The following PLXNA2 variants were observed in gnomAD, a reference collection of about 807,000 sequenced individuals.
The protein encoded by PLXNA2 is plexin A2.
A neutral mutation model predicts 193.5 loss-of-function variants in PLXNA2; 91 were observed. The ratio of observed to expected loss-of-function variants is 0.47; its 90% CI spans 0.40 to 0.56. PLXNA2 has a LOEUF of 0.56. Among genes scored for constraint, PLXNA2 ranks in the 20% least tolerant of loss-of-function variants. PLXNA2 has a pLI of 0.00. For synonymous variants in PLXNA2, 997 were observed against 1,027.3 expected, an observed-to-expected ratio of 0.97 and a Z score of 0.56; for missense variants, 1,995 against 2,503.2, an observed-to-expected ratio of 0.80 and a Z score of 4.33.
At chr1:208,144,438 G>A (rs560531163) in intron 3 of PLXNA2, among the ~76,000 whole-genome samples, 4 of 152,286 alleles carry the variant, frequency 2.6e-5, no homozygotes, top group East Asian at 1.9e-4. Flanking sequence ...GGATGGACTC[G>A]ATGTACATGG....
Position 208,071,866 on chromosome 1 carries a change from C to T in PLXNA2, c.2586+7394G>A, listed in dbSNP as rs187038469. On this transcript the variant is annotated intron_variant, in intron 12 of 31. Coordinates refer to ENST00000367033, the MANE Select transcript of PLXNA2 (RefSeq NM_025179.4). ...GTGGGGGACTTTGCAGTGAGTCACT[C>T]TGGTCCTGGGCAGGTGGCTTTTGGC... 1.9e-3 allele frequency among the ~76,000 whole-genome samples: 282 copies of T among 152,328 alleles called. 2 individuals are homozygous for T. The highest frequency in any genetic ancestry group is 9.8e-3 in the Admixed American group (150 of 15,310).
chr1:208,088,255 CTA>C (rs1666598048), intron 9 of PLXNA2, among the ~76,000 whole-genome samples: 1 of 152,200 alleles, frequency 6.6e-6, no homozygotes, highest in South Asian at 2.1e-4. Context: ...TTTAGGAGCC[CTA>C]TGAGTCTTGG....
intron 7 of PLXNA2, 151 bp downstream of exon 7, chr1:208,096,579 G>A: frequency 1.2e-6 from 1 of 848,970 alleles, no homozygotes; most frequent in Non-Finnish European, 1.8e-6. Context: ...TCACTTTGGG[G>A]CATGACAGTT....
At chr1:208,074,642 G>C (rs531431779) in intron 12 of PLXNA2, among the ~76,000 whole-genome samples, 1 of 152,168 alleles carries the variant, frequency 6.6e-6, no homozygotes, top group Non-Finnish European at 1.5e-5. Flanking sequence ...CTAACTATGC[G>C]TGAGCCCACT....
Position 208,082,321 on chromosome 1 carries a change from G to T in PLXNA2, c.2395+91C>A. On this transcript the variant is annotated intron_variant, in intron 11 of 31. Transcript: ENST00000367033. This position sits in a 1 kb window ranked among gnomAD's most constrained non-coding sequence, Gnocchi z 4.2. ...CGACAGAGGGAGTGTATTATTCATG[G>T]CACAGCGGCTGGCTGGCTCTGATCC... The T allele has an allele frequency of 1.1e-6, 1 of 946,482 alleles. No individual in the cohort carries two copies. The highest frequency in any genetic ancestry group is 1.7e-6 in the Non-Finnish European group (1 of 595,454). The allele number at this position is 946,482 out of a possible 1,614,324, so 58.6% of individuals were successfully genotyped here. A position where few individuals can be genotyped will look rare whatever the true frequency, so the allele number is the denominator to read the frequency against.
At chr1:208,206,747 T>C (rs1489379464) in intron 3 of PLXNA2, among the ~76,000 whole-genome samples, 4 of 151,834 alleles carry the variant, frequency 2.6e-5, no homozygotes, top group Non-Finnish European at 4.4e-5. Flanking sequence ...CCTTAGCTTA[T>C]GCAGCATTGC....
chr1:208,204,174 A>C (rs1670642040), intron 3 of PLXNA2, among the ~76,000 whole-genome samples: 1 of 152,212 alleles, frequency 6.6e-6, no homozygotes, highest in Non-Finnish European at 1.5e-5. Flanking sequence ...TAGTGCCAGA[A>C]TAGGCCGGGG....
At chr1:208,080,365 C>G (rs1666294929) in intron 11 of PLXNA2, among the ~76,000 whole-genome samples, 1 of 152,120 alleles carries the variant, frequency 6.6e-6, no homozygotes, top group African/African-American at 2.4e-5. Context: ...CTAGTATAAC[C>G]AGCGAATTAG....
At chr1:208,056,925 T>C (rs1221437690) in intron 13 of PLXNA2, among the ~76,000 whole-genome samples, 1 of 152,126 alleles carries the variant, frequency 6.6e-6, no homozygotes, top group Admixed American at 6.5e-5. Context: ...AACTCTAATC[T>C]CCTCAACTCT....
rs145340070 is a variant in PLXNA2, at chr1:208,200,344, T to C, written c.1371+9936A>G. ...CTGCCTCCCTGGACAGAGAGGCACATGCTAGCAAGAAGGAAAGAGACATTA... is the reference window on the plus strand; with the variant it reads ...CTGCCTCCCTGGACAGAGAGGCACACGCTAGCAAGAAGGAAAGAGACATTA... On this transcript the variant is annotated intron_variant, in intron 3 of 31. Transcript: ENST00000367033. 5.3e-3 allele frequency among the ~76,000 whole-genome samples: 801 copies of C among 152,258 alleles called. 8 individuals are homozygous for C. The highest frequency in any genetic ancestry group is 0.018 in the African/African-American group (747 of 41,534).
chr1:208,137,378 C>T (rs1443647309), intron 4 of PLXNA2, among the ~76,000 whole-genome samples: 2 of 152,234 alleles, frequency 1.3e-5, no homozygotes, highest in African/African-American at 2.4e-5. Context: ...GATTTATACT[C>T]CTTTTCTAGG....
In PLXNA2 at chr1:208,044,398, G is replaced by A. The variant is rs150956379; in HGVS notation, c.3874+110C>T. ...AACAGGGGTGAAAGTGGAATGCAGA[G>A]GCATGGCTGGCAGCGATGGGAGTAA... On this transcript the variant is annotated intron_variant, in intron 20 of 31. Transcript: ENST00000367033. This position sits in a 1 kb window ranked among gnomAD's most constrained non-coding sequence, Gnocchi z 4.9. 2.5e-5 allele frequency: 19 copies of A among 754,260 alleles called. 2 individuals carry two copies. The African/African-American group carries it at 2.9e-4, about 12-fold the overall frequency. 46.7% of individuals were successfully genotyped at this position (754,260 alleles called of 1,614,324 possible).
chr1:208,111,291 C>T (rs776427408), intron 4 of PLXNA2, among the ~76,000 whole-genome samples: 1 of 152,062 alleles, frequency 6.6e-6, no homozygotes, highest in Non-Finnish European at 1.5e-5. Flanking sequence ...TAGTCAAAAA[C>T]TCCTGGGCTC....
intron 17 of PLXNA2, among the ~76,000 whole-genome samples, chr1:208,047,570 C>T (rs908848931): frequency 6.6e-6 from 1 of 152,210 alleles, no homozygotes; most frequent in Non-Finnish European, 1.5e-5. Context: ...CTGCCTGGCT[C>T]CCACCCAGCA....
In PLXNA2 at chr1:208,029,162, T is replaced by C. The variant is rs894718434; in HGVS notation, c.5226-120A>G. ...CACCTGAAGGGGCAAAGGAGTAAAA[T>C]GGAAGAAAATGGGTCCAGCCAGGGT... On this transcript the variant is annotated intron_variant, in intron 29 of 31. Transcript: ENST00000367033. The C allele has an allele frequency of 5.3e-5, 78 of 1,482,596 alleles. No individual in the cohort carries two copies. The Middle Eastern group carries it at 7.8e-4, about 15-fold the overall frequency. The allele number at this position is 1,482,596 out of a possible 1,614,324, so 91.8% of individuals were successfully genotyped here.
At chr1:208,181,468 C>T (rs761569085) in intron 3 of PLXNA2, among the ~76,000 whole-genome samples, 11 of 152,260 alleles carry the variant, frequency 7.2e-5, no homozygotes, top group Non-Finnish European at 1.3e-4. Flanking sequence ...TCTGATCCCA[C>T]TGGCAGCTCC....
chr1:208,135,452 T>TC (rs1309500535), intron 4 of PLXNA2, among the ~76,000 whole-genome samples: 2 of 152,252 alleles, frequency 1.3e-5, no homozygotes, highest in East Asian at 3.9e-4. Context: ...CAGCATACCC[T>TC]CCATGGGAAA....
At chr1:208,151,815 C>T (rs1668772948) in intron 3 of PLXNA2, among the ~76,000 whole-genome samples, 1 of 152,196 alleles carries the variant, frequency 6.6e-6, no homozygotes, top group African/African-American at 2.4e-5. Context: ...CTGTCTGATT[C>T]CAAAGCCTGA....
At chr1:208,187,281 C>T (rs1406571348) in intron 3 of PLXNA2, among the ~76,000 whole-genome samples, 1 of 152,132 alleles carries the variant, frequency 6.6e-6, no homozygotes, top group Admixed American at 6.5e-5. Context: ...ATTAGCCCTG[C>T]AATTATTCCA....
Sources: gnomAD v4.1 joint callset for allele counts (sites outside exome capture counted in the v4.1 genomes callset) on GRCh38, gnomAD v4.1.1 for gene constraint, Gnocchi (gnomAD v3.1) non-coding constraint, MANE v1.5 for transcripts, NCBI Gene and HGNC (gene_info 2026-07-23, HGNC 2026-07-21) for gene names.